The following WDR25 variants were observed in gnomAD, a reference collection of about 807,000 sequenced individuals.
The protein encoded by WDR25 is WD repeat domain 25.
A neutral mutation model predicts 47.7 loss-of-function variants in WDR25; 35 were observed. That is an observed-to-expected ratio of 0.73 (90% CI 0.56 to 0.97). The LOEUF (loss-of-function observed/expected upper bound fraction) is 0.97. Among genes scored for constraint, WDR25 ranks in the 50% least tolerant of loss-of-function variants. The pLI is 0.00. For synonymous variants in WDR25, 248 were observed against 278.9 expected, an observed-to-expected ratio of 0.89 and a Z score of 1.10; for missense variants, 634 against 704.7, an observed-to-expected ratio of 0.90 and a Z score of 1.14.
intron 4 of WDR25, among the ~76,000 whole-genome samples, chr14:100,521,102 G>A (rs2029871932): frequency 6.6e-6 from 1 of 151,992 alleles, no homozygotes; most frequent in East Asian, 1.9e-4. Context: ...CCTGTGACCT[G>A]TTTTTATATG....
At position 100,498,388 on chromosome 14, in the gene WDR25, C is replaced by G. The variant is rs1364403305; in HGVS notation, c.1101+14264C>G. On this transcript the variant is annotated intron_variant, in intron 4 of 6. Coordinates refer to ENST00000402312, the MANE Select transcript of WDR25 (RefSeq NM_001161476.3). The surrounding 1 kb of genome is among the most constrained non-coding windows in gnomAD (Gnocchi z 4.2). ...TAGCTCTCTTTCCCCTCTGCATGCCCCTTTTCCACCAAACAGATTTCTTGG... is the reference window on the plus strand; with the variant it reads ...TAGCTCTCTTTCCCCTCTGCATGCCGCTTTTCCACCAAACAGATTTCTTGG... Among the ~76,000 whole-genome samples the G allele has an allele frequency of 1.3e-5, 2 of 152,286 alleles. No homozygotes were observed. Among genetic ancestry groups the G allele is most frequent in the East Asian group, 1.9e-4 (1 of 5,172 alleles).
Position 100,468,304 on chromosome 14 carries a change from C to A in WDR25, c.970+136C>A. On this transcript the variant is annotated intron_variant, in intron 3 of 6. Coordinates refer to ENST00000402312, the MANE Select transcript of WDR25 (RefSeq NM_001161476.3). The surrounding 1 kb of genome is among the most constrained non-coding windows in gnomAD (Gnocchi z 4.5). ...AGGGGCCTCAGGGTGGGCTCGTGCTCGGTGAGAGGGCTTCCAGACTGCTTG... is the reference window on the plus strand; with the variant it reads ...AGGGGCCTCAGGGTGGGCTCGTGCTAGGTGAGAGGGCTTCCAGACTGCTTG... 1 of 1,314,226 alleles carries A rather than the reference C, an allele frequency of 7.6e-7. No individual in the cohort carries two copies. The highest frequency in any genetic ancestry group is 1.0e-6 in the Non-Finnish European group (1 of 973,452). 81.4% of individuals were successfully genotyped at this position (1,314,226 alleles called of 1,614,324 possible).
At chr14:100,487,111 G>A (rs1041340200) in intron 4 of WDR25, among the ~76,000 whole-genome samples, 3 of 152,062 alleles carry the variant, frequency 2.0e-5, no homozygotes, top group Non-Finnish European at 2.9e-5. Flanking sequence ...GCAGACCCTC[G>A]TAAGGTCGTC....
In WDR25 at chr14:100,428,343, G is replaced by C. The variant is rs939986939; in HGVS notation, c.823-39678G>C. ...TGGGCGTTGTCCTTTCCTCTTCCTG[G>C]TGTGTGTAGCGAGCCTGGTCAGAGC... On this transcript the variant is annotated intron_variant, in intron 2 of 6. Coordinates refer to ENST00000402312, the MANE Select transcript of WDR25 (RefSeq NM_001161476.3). The surrounding 1 kb of genome is among the most constrained non-coding windows in gnomAD (Gnocchi z 4.3). Among the ~76,000 whole-genome samples the C allele has an allele frequency of 2.6e-5, 4 of 152,164 alleles. No individual in the cohort carries two copies. The highest frequency in any genetic ancestry group is 5.9e-5 in the Non-Finnish European group (4 of 68,024).
intron 2 of WDR25, among the ~76,000 whole-genome samples, chr14:100,402,917 C>A (rs796938364): frequency 6.6e-6 from 1 of 152,140 alleles, no homozygotes; most frequent in South Asian, 2.1e-4. Context: ...TTAGGGAGAT[C>A]TGCTAGGAGG....
chr14:100,421,109 G>T (rs976587145), intron 2 of WDR25, among the ~76,000 whole-genome samples: 11 of 152,144 alleles, frequency 7.2e-5, no homozygotes, highest in African/African-American at 2.7e-4. Flanking sequence ...ATTCCATTCG[G>T]CCAAAACTGG....
At position 100,468,249 on chromosome 14, in the gene WDR25, A is replaced by G; in HGVS notation, c.970+81A>G. On this transcript the variant is annotated intron_variant, in intron 3 of 6. Transcript: ENST00000402312. The surrounding 1 kb of genome is among the most constrained non-coding windows in gnomAD (Gnocchi z 4.5). ...GGTTCTCTGGTGGGCACGCAGCCAC[A>G]AGCTGTATACGCTTGCGTGGCAGAG... 2 of 1,549,362 alleles carry G rather than the reference A, an allele frequency of 1.3e-6. No homozygotes were observed. The highest frequency in any genetic ancestry group is 4.5e-5 in the East Asian group (2 of 44,310).
intron 4 of WDR25, among the ~76,000 whole-genome samples, chr14:100,496,002 A>G (rs1900717247): frequency 6.6e-6 from 1 of 152,184 alleles, no homozygotes; most frequent in East Asian, 1.9e-4. Context: ...AGCTGTTTTT[A>G]TGTGTAATCT....
chr14:100,487,826 C>A (rs1036047735), intron 4 of WDR25: 7 of 152,158 alleles, frequency 4.6e-5, no homozygotes, highest in Non-Finnish European at 7.4e-5. Context: ...GGATTTATTT[C>A]CTTAAGCTTG....
intron 2 of WDR25, among the ~76,000 whole-genome samples, chr14:100,400,453 C>T (rs1041665904): frequency 2.6e-5 from 4 of 152,188 alleles, no homozygotes; most frequent in Non-Finnish European, 5.9e-5. Context: ...GCCATTCAGC[C>T]AGCACCAGCT....
chr14:100,422,297 G>C (rs1566902745), intron 2 of WDR25, among the ~76,000 whole-genome samples: 2 of 152,120 alleles, frequency 1.3e-5, no homozygotes, highest in Admixed American at 6.5e-5. Flanking sequence ...CATGTGGTCT[G>C]GGCTTCCTCA....
At chr14:100,413,081 T>G (rs1897756125) in intron 2 of WDR25, among the ~76,000 whole-genome samples, 1 of 152,188 alleles carries the variant, frequency 6.6e-6, no homozygotes, top group Admixed American at 6.5e-5. Context: ...CCACCTGCCT[T>G]GGCCTCCCAA....
At position 100,407,471 on chromosome 14, in the gene WDR25, TCTGGACGGGG is replaced by T. The variant is rs918639341; in HGVS notation, c.822+25730_822+25739del. The stretch of plus-strand genomic sequence containing the variant: ...GCCTTCTGGGTGTTGGGTATCAGGT[TCTGGACGGGG>T]CTGGCAGTTGTGTGTGGGGCTCATG... On this transcript the variant is annotated intron_variant, in intron 2 of 6. Transcript: ENST00000402312. This position sits in a 1 kb window ranked among gnomAD's most constrained non-coding sequence, Gnocchi z 4.1. The T allele has an allele frequency of 6.6e-6, 1 of 152,366 alleles. No homozygotes were observed. Among genetic ancestry groups the T allele is most frequent in the Non-Finnish European group, 1.5e-5 (1 of 68,134 alleles). The allele number at this position is 152,366 out of a possible 1,614,324, so 9.4% of individuals were successfully genotyped here.
At chr14:100,376,524 C>G in intron 1 of WDR25, 29 bp downstream of exon 1, 1 of 1,231,954 alleles carries the variant, frequency 8.1e-7, no homozygotes, top group Non-Finnish European at 1.0e-6. Flanking sequence ...GGGCCCCGGG[C>G]TGGAGGGGCC....
At chr14:100,427,531 C>T (rs925671791) in intron 2 of WDR25, among the ~76,000 whole-genome samples, 24 of 152,070 alleles carry the variant, frequency 1.6e-4, no homozygotes, top group Non-Finnish European at 3.4e-4. Context: ...AGTCCTGGTG[C>T]CGAGTAGGTG....
At chr14:100,417,423 C>A (rs572674496) in intron 2 of WDR25, among the ~76,000 whole-genome samples, 1 of 152,312 alleles carries the variant, frequency 6.6e-6, no homozygotes, top group East Asian at 1.9e-4. Context: ...GAGATGGAGC[C>A]ATGTGTGGGG....
intron 2 of WDR25, 123 bp from the exon 3 acceptor site, chr14:100,467,898 T>C: frequency 7.9e-7 from 1 of 1,267,116 alleles, no homozygotes. Flanking sequence ...GATATAGATT[T>C]GATGGTAAAA....
rs760910022 is a variant in WDR25 at position 100,428,500 on chromosome 14, C to G, written c.823-39521C>G. Among the ~76,000 whole-genome samples the G allele has an allele frequency of 6.6e-6, 1 of 152,146 alleles. No individual in the cohort carries two copies. Among genetic ancestry groups the G allele is most frequent in the Non-Finnish European group, 1.5e-5 (1 of 68,030 alleles). The stretch of plus-strand genomic sequence containing the variant: ...TGGATGGGGGACAGTGCCTGAGCGC[C>G]GGGGGCTGCACATGGTGCCTGTCTC... On this transcript the variant is annotated intron_variant, in intron 2 of 6. Coordinates refer to ENST00000402312, the MANE Select transcript of WDR25 (RefSeq NM_001161476.3). The surrounding 1 kb of genome is among the most constrained non-coding windows in gnomAD (Gnocchi z 4.3).
Position 100,388,838 on chromosome 14 carries a change from C to T in WDR25, c.822+7092C>T, listed in dbSNP as rs145977803. On this transcript the variant is annotated intron_variant, in intron 2 of 6. Transcript: ENST00000402312. ...AGTGTACCAAGGGCGGGGCCTTGTG[C>T]TCGCCAGAAGCTGACAGGAAGAAAA... Among the ~76,000 whole-genome samples, 49 of 152,328 alleles carry T rather than the reference C, an allele frequency of 3.2e-4. 1 individual carries two copies. The East Asian group carries it at 7.3e-3, about 23-fold the overall frequency.
Sources: allele counts gnomAD v4.1 joint callset (sites outside exome capture counted in the v4.1 genomes callset), GRCh38; gene constraint gnomAD v4.1.1; non-coding constraint Gnocchi (gnomAD v3.1); transcripts MANE v1.5; gene names NCBI Gene and HGNC (gene_info 2026-07-23, HGNC 2026-07-21).